The following INTS9 variants were observed in gnomAD, a reference collection of about 807,000 sequenced individuals.
INTS9 encodes integrator complex subunit 9.
INTS9 carries 55 observed loss-of-function variants against 79.7 expected under a neutral mutation model. The ratio of observed to expected loss-of-function variants is 0.69; its 90% CI spans 0.56 to 0.86. INTS9 has a LOEUF of 0.86. Ranked by LOEUF, INTS9 falls within the 40% of genes least tolerant of loss-of-function variation. The pLI is 0.00. For synonymous variants in INTS9, 319 were observed against 325.2 expected (o/e 0.98, Z 0.20); for missense variants, 721 against 831.5 (o/e 0.87, Z 1.64).
intron 4 of INTS9, among the ~76,000 whole-genome samples, chr8:28,841,337 C>T (rs1563289980): frequency 6.6e-6 from 1 of 152,176 alleles, no homozygotes; most frequent in South Asian, 2.1e-4. Flanking sequence ...GACAGGGTAG[C>T]ACAGTGATAG....
chr8:28,851,075 G>A (rs943880375), intron 2 of INTS9, among the ~76,000 whole-genome samples: 3 of 152,240 alleles, frequency 2.0e-5, no homozygotes, highest in Non-Finnish European at 4.4e-5. Context: ...AAAGCTTAAT[G>A]AAGAAGGCAA....
chr8:28,881,881 G>A (rs1809852471), intron 1 of INTS9, among the ~76,000 whole-genome samples: 1 of 145,866 alleles, frequency 6.9e-6, no homozygotes, highest in Admixed American at 6.7e-5. Context: ...GAGGTGAGGG[G>A]CGCTTCTGCC....
chr8:28,774,790 G>A (rs189367122), intron 14 of INTS9, among the ~76,000 whole-genome samples: 1 of 152,260 alleles, frequency 6.6e-6, no homozygotes, highest in Admixed American at 6.5e-5. Flanking sequence ...AGAGGTGAAA[G>A]GAAGCCAGAG....
At chr8:28,861,700 G>T (rs1288086670) in intron 1 of INTS9, among the ~76,000 whole-genome samples, 1 of 152,172 alleles carries the variant, frequency 6.6e-6, no homozygotes, top group African/African-American at 2.4e-5. Flanking sequence ...GGAGGATAAG[G>T]TACACCAGAA....
Position 28,793,988 on chromosome 8 carries a change from C to T in INTS9, c.857-1G>A, listed in dbSNP as rs1214169291. The T allele has an allele frequency of 3.2e-6, 5 of 1,552,498 alleles. No homozygotes were observed. The highest frequency in any genetic ancestry group is 1.7e-4 in the Middle Eastern group (1 of 5,770). Reference sequence around the variant, plus strand: ...TTTCCTCCATTCCGGACTGTCAGAGCTAGAAAAGTGGATGCCAGAGGAGAA... The same window carrying T: ...TTTCCTCCATTCCGGACTGTCAGAGTTAGAAAAGTGGATGCCAGAGGAGAA... On this transcript the variant is annotated splice_acceptor_variant, in intron 9 of 16. Coordinates refer to ENST00000521022, the MANE Select transcript of INTS9 (RefSeq NM_018250.4). LOFTEE classifies it high-confidence loss of function.
At chr8:28,796,815 G>A in intron 8 of INTS9, 160 bp from the exon 9 acceptor site, 1 of 581,284 alleles carries the variant, frequency 1.7e-6, no homozygotes, top group Non-Finnish European at 3.1e-6. Context: ...ACCACTGGCT[G>A]CCTAAGTTGG....
intron 6 of INTS9, among the ~76,000 whole-genome samples, chr8:28,820,545 T>A: frequency 6.6e-6 from 1 of 152,244 alleles, no homozygotes; most frequent in Non-Finnish European, 1.5e-5. Flanking sequence ...AACCCAACCT[T>A]TCTCTTTGGC....
chr8:28,827,276 T>C (rs1806200154), intron 6 of INTS9, among the ~76,000 whole-genome samples: 1 of 152,234 alleles, frequency 6.6e-6, no homozygotes, highest in Non-Finnish European at 1.5e-5. Flanking sequence ...CTGAAGAACT[T>C]CTTTCCCAGG....
intron 6 of INTS9, among the ~76,000 whole-genome samples, chr8:28,829,084 T>C (rs80248651): frequency 6.6e-6 from 1 of 152,252 alleles, no homozygotes; most frequent in Admixed American, 6.5e-5. Context: ...AATGCTTCAT[T>C]GCTTAATGCT....
At chr8:28,809,333 A>C (rs774608036) in intron 8 of INTS9, among the ~76,000 whole-genome samples, 1 of 152,178 alleles carries the variant, frequency 6.6e-6, no homozygotes, top group Non-Finnish European at 1.5e-5. Flanking sequence ...ATTATATGCC[A>C]AAATAGGTGG....
intron 6 of INTS9, among the ~76,000 whole-genome samples, chr8:28,835,030 T>A (rs1473308201): frequency 6.6e-6 from 1 of 152,082 alleles, no homozygotes; most frequent in Non-Finnish European, 1.5e-5. Flanking sequence ...ACCTGTTGAG[T>A]TATCTGATTT....
intron 6 of INTS9, among the ~76,000 whole-genome samples, chr8:28,822,408 T>C (rs1805884036): frequency 6.6e-6 from 1 of 152,202 alleles, no homozygotes; most frequent in African/African-American, 2.4e-5. Flanking sequence ...AGATCACATA[T>C]AGTCTCCACC....
intron 2 of INTS9, among the ~76,000 whole-genome samples, chr8:28,852,414 G>A (rs763561612): frequency 7.3e-5 from 11 of 150,684 alleles, no homozygotes; most frequent in Non-Finnish European, 1.2e-4. Context: ...TTTAATTCCC[G>A]TCTCATTTCA....
At chr8:28,771,159 C>G in intron 14 of INTS9, 79 bp from the exon 15 acceptor site, 5 of 1,021,626 alleles carry the variant, frequency 4.9e-6, no homozygotes, top group Non-Finnish European at 6.0e-6. Context: ...ATTTACATCA[C>G]TGCAGTCTAA....
At chr8:28,880,485 T>G (rs1217018622) in intron 1 of INTS9, among the ~76,000 whole-genome samples, 1 of 152,010 alleles carries the variant, frequency 6.6e-6, no homozygotes, top group Non-Finnish European at 1.5e-5. Flanking sequence ...GGTCTCCAGC[T>G]CCTAACCGCG....
chr8:28,874,180 T>A (rs1809245131), intron 1 of INTS9, among the ~76,000 whole-genome samples: 1 of 152,226 alleles, frequency 6.6e-6, no homozygotes, highest in Non-Finnish European at 1.5e-5. Context: ...GATTTCACAT[T>A]CCAGTTTTTC....
chr8:28,787,113 A>G (rs183532634), intron 11 of INTS9, among the ~76,000 whole-genome samples: 16 of 152,230 alleles, frequency 1.1e-4, no homozygotes, highest in Non-Finnish European at 1.5e-4. Flanking sequence ...TGTTAGCTTC[A>G]TTGTAGTAGA....
At chr8:28,807,437 G>A (rs945034870) in intron 8 of INTS9, among the ~76,000 whole-genome samples, 7 of 152,122 alleles carry the variant, frequency 4.6e-5, no homozygotes, top group Admixed American at 2.6e-4. Context: ...AGAAAATAAT[G>A]TATGGGCCCA....
intron 12 of INTS9, chr8:28,780,481 T>C (rs1261604140): frequency 5.1e-6 from 5 of 985,300 alleles, no homozygotes; most frequent in Non-Finnish European, 1.2e-6. Flanking sequence ...GAAAAAGATC[T>C]ACCTCTGTAA....
Sources: allele counts gnomAD v4.1 joint callset (sites outside exome capture counted in the v4.1 genomes callset), GRCh38; gene constraint gnomAD v4.1.1; transcripts MANE v1.5; gene names NCBI Gene and HGNC (gene_info 2026-07-23, HGNC 2026-07-21).